The following RRN3 variants were observed in gnomAD, a reference collection of about 807,000 sequenced individuals.
RRN3 encodes RNA polymerase I-specific transcription initiation factor RRN3.
In RRN3, 38 loss-of-function variants were observed where a neutral mutation model predicts 82.3. The ratio of observed to expected loss-of-function variants is 0.46; its 90% CI spans 0.36 to 0.61. The LOEUF (loss-of-function observed/expected upper bound fraction) is 0.61. Ranked by LOEUF, RRN3 falls within the 20% of genes least tolerant of loss-of-function variation. RRN3 has a pLI of 0.00. For synonymous variants in RRN3, 284 were observed against 284.3 expected, an observed-to-expected ratio of 1.00 and a Z score of 0.01; for missense variants, 726 against 793.1, an observed-to-expected ratio of 0.92 and a Z score of 1.02.
chr16:15,085,304 G>A (rs139253197), intron 6 of RRN3, among the ~76,000 whole-genome samples: 2 of 148,798 alleles, frequency 1.3e-5, no homozygotes, highest in East Asian at 4.0e-4. Flanking sequence ...ATTAGAATAG[G>A]TGCCAGGTAT....
chr16:15,063,133 C>T lies in RRN3; in HGVS notation c.1794+63G>A, dbSNP rs2044783850. 3 of 1,247,570 alleles carry T rather than the reference C, an allele frequency of 2.4e-6. No homozygotes were observed. The Admixed American group carries it at 5.0e-5, about 21-fold the overall frequency. The allele number at this position is 1,247,570 out of a possible 1,614,324, so 77.3% of individuals were successfully genotyped here. ...GCACGAACGACTTGCCACTTACTAT[C>T]TCACTGTGACCTGGAACCAGAAAGG... On this transcript the variant is annotated intron_variant, in intron 17 of 17. Transcript: ENST00000198767.
chr16:15,080,148 C>A, intron 8 of RRN3, 52 bp from the exon 9 acceptor site: 1 of 1,534,620 alleles, frequency 6.5e-7, no homozygotes. Context: ...AAACGTTTCA[C>A]AGTTATGTAA....
At chr16:15,075,799 G>A (rs1426516390) in intron 10 of RRN3, among the ~76,000 whole-genome samples, 1 of 152,112 alleles carries the variant, frequency 6.6e-6, no homozygotes, top group Non-Finnish European at 1.5e-5. Context: ...GGTGCTTTTG[G>A]TGCCGGGCCC....
intron 12 of RRN3, among the ~76,000 whole-genome samples, chr16:15,071,783 A>G (rs2045241747): frequency 6.6e-6 from 1 of 152,100 alleles, no homozygotes; most frequent in Non-Finnish European, 1.5e-5. Flanking sequence ...ACAAACAAAC[A>G]AAAAACAACA....
intron 8 of RRN3, among the ~76,000 whole-genome samples, chr16:15,082,673 C>G (rs370630570): frequency 4.0e-5 from 6 of 151,398 alleles, no homozygotes; most frequent in Non-Finnish European, 7.4e-5. Context: ...ACTGTCCCCC[C>G]ACCCCTGAAA....
intron 8 of RRN3, among the ~76,000 whole-genome samples, chr16:15,080,607 C>T (rs1157771971): frequency 6.6e-6 from 1 of 152,076 alleles, no homozygotes; most frequent in Non-Finnish European, 1.5e-5. Flanking sequence ...TTAATTTTTC[C>T]TTTTAGAGAG....
chr16:15,061,940 C>G, intron 17 of RRN3, 35 bp from the exon 18 acceptor site: 1 of 1,578,482 alleles, frequency 6.3e-7, no homozygotes. Context: ...GTAACATCAC[C>G]AGTGCTGACT....
chr16:15,075,284 GA>G (rs1011520847), intron 10 of RRN3, among the ~76,000 whole-genome samples: 2 of 145,254 alleles, frequency 1.4e-5, no homozygotes, highest in Non-Finnish European at 3.0e-5. Flanking sequence ...CTAAAACAAA[GA>G]AATGGACCAC....
At chr16:15,081,123 C>A (rs1010160183) in intron 8 of RRN3, among the ~76,000 whole-genome samples, 2 of 152,300 alleles carry the variant, frequency 1.3e-5, no homozygotes, top group East Asian at 3.9e-4. Context: ...CATCAGTTGA[C>A]AGACATTTGA....
At position 15,082,932 on chromosome 16, in the gene RRN3, T is replaced by C. The variant is rs1400837013; in HGVS notation, c.666+581A>G. On this transcript the variant is annotated intron_variant, in intron 8 of 17. Coordinates refer to ENST00000198767, the MANE Select transcript of RRN3 (RefSeq NM_018427.5). Reference sequence around the variant, plus strand: ...AACTATTATCTTCTAGTAATTCTTGTCCATATGAGCATAAAGCCACTACAG... The same window carrying C: ...AACTATTATCTTCTAGTAATTCTTGCCCATATGAGCATAAAGCCACTACAG... Among the ~76,000 whole-genome samples, 4 of 152,322 alleles carry C rather than the reference T, an allele frequency of 2.6e-5. No homozygotes were observed. In the East Asian group the frequency reaches 7.7e-4, roughly 29 times the overall value.
chr16:15,094,079 C>T lies in RRN3; in HGVS notation c.89+66G>A, dbSNP rs115779043. On this transcript the variant is annotated intron_variant, in intron 1 of 17. Coordinates refer to ENST00000198767, the MANE Select transcript of RRN3 (RefSeq NM_018427.5). Reference sequence around the variant, plus strand: ...AGCTTTGTCCCACATCCTTTCAATCCGCTCCTCTAAGCGCCGTCCTGAGCT... The same window carrying T: ...AGCTTTGTCCCACATCCTTTCAATCTGCTCCTCTAAGCGCCGTCCTGAGCT... 1.6e-3 allele frequency: 2,236 copies of T among 1,400,310 alleles called. 44 individuals are homozygous for T. The African/African-American group carries it at 0.028, about 17-fold the overall frequency. 86.7% of individuals were successfully genotyped at this position (1,400,310 alleles called of 1,614,324 possible). A position where few individuals can be genotyped will look rare whatever the true frequency, so the allele number is the denominator to read the frequency against.
In RRN3 at chr16:15,094,193, G is replaced by A. The variant is rs1215831699; in HGVS notation, c.41C>T (p.Ala14Val). Residue 14 changes from alanine (A) to valine (V), a missense_variant, in exon 1 of 18, where the codon GCG (alanine) becomes GTG (valine). Physicochemically the swap from Ala to Val is moderately conservative, Grantham distance 64. Transcript: ENST00000198767. Reference sequence around the variant, plus strand: ...CTTAACTGCAGAGGACGAAGCGGCCGCATCTCCCGGCAAACGCGTGTGAAG... The same window carrying A: ...CTTAACTGCAGAGGACGAAGCGGCCACATCTCCCGGCAAACGCGTGTGAAG... Reference protein sequence around the residue: ...PLLHTRLPGDAAASSSAVKKL... With the variant: ...PLLHTRLPGDVAASSSAVKKL... The A allele has an allele frequency of 2.5e-6, 4 of 1,599,808 alleles. No homozygotes were observed. The highest frequency in any genetic ancestry group is 1.7e-5 in the Admixed American group (1 of 57,782).
chr16:15,081,660 C>T (rs976901257), intron 8 of RRN3, among the ~76,000 whole-genome samples: 5 of 152,144 alleles, frequency 3.3e-5, no homozygotes, highest in African/African-American at 1.2e-4. Context: ...TCCTATGAAG[C>T]ATAACAACGT....
At chr16:15,072,612 G>C (rs952000708) in intron 12 of RRN3, among the ~76,000 whole-genome samples, 2 of 152,064 alleles carry the variant, frequency 1.3e-5, no homozygotes, top group African/African-American at 4.8e-5. Flanking sequence ...AGACCAGTAT[G>C]GCCAACGTGG....
intron 11 of RRN3, among the ~76,000 whole-genome samples, chr16:15,073,524 A>T (rs1032148567): frequency 2.0e-5 from 3 of 152,228 alleles, no homozygotes; most frequent in Admixed American, 2.0e-4. Context: ...CTTTTAGTTT[A>T]CACAGATTTT....
chr16:15,061,691 T>C lies in RRN3; in HGVS notation c.*53A>G. On this transcript the variant is annotated 3_prime_UTR_variant, in exon 18 of 18. Transcript: ENST00000198767. The stretch of plus-strand genomic sequence containing the variant: ...TGGCACAAGCTGGGTGCTGAGGGCA[T>C]GACAAGTGATGGGGAATCCCAAATG... 1.9e-6 allele frequency: 3 copies of C among 1,560,618 alleles called. No individual in the cohort carries two copies. The highest frequency in any genetic ancestry group is 3.4e-5 in the Admixed American group (2 of 59,138).
chr16:15,091,911 G>A (rs1196769179), intron 2 of RRN3, among the ~76,000 whole-genome samples: 4 of 152,184 alleles, frequency 2.6e-5, no homozygotes, highest in Non-Finnish European at 4.4e-5. Flanking sequence ...AGGCATGGTG[G>A]CTCACGTCTG....
Position 15,061,173 on chromosome 16 carries a change from T to C in RRN3, c.*571A>G, listed in dbSNP as rs2044696911. 6.6e-6 allele frequency: 1 copy of C among 152,316 alleles called. No homozygotes were observed. Among genetic ancestry groups the C allele is most frequent in the Admixed American group, 6.5e-5 (1 of 15,278 alleles). The allele number at this position is 152,316 out of a possible 1,614,324, so 9.4% of individuals were successfully genotyped here. A position where few individuals can be genotyped will look rare whatever the true frequency, so the allele number is the denominator to read the frequency against. On this transcript the variant is annotated 3_prime_UTR_variant, in exon 18 of 18. Coordinates refer to ENST00000198767, the MANE Select transcript of RRN3 (RefSeq NM_018427.5). ...AGCTCCAACTCTGTGTCCCAGACCATGTCGGGCCAGCTCTCAGCTTTCCTT... is the reference window on the plus strand; with the variant it reads ...AGCTCCAACTCTGTGTCCCAGACCACGTCGGGCCAGCTCTCAGCTTTCCTT...
Position 15,092,584 on chromosome 16 carries a change from G to C in RRN3, c.120C>G (p.Asp40Glu). 6.2e-7 allele frequency: 1 copy of C among 1,613,048 alleles called. No individual in the cohort carries two copies. Among genetic ancestry groups the C allele is most frequent in the Non-Finnish European group, 8.5e-7 (1 of 1,179,100 alleles). Reference sequence around the variant, plus strand: ...TTTTTCTTGGGGGAGAATTGAAAAAGTCATTCTCTAATGCACGCATATTTG... The same window carrying C: ...TTTTTCTTGGGGGAGAATTGAAAAACTCATTCTCTAATGCACGCATATTTG... ...GISNMRALEN[D>E]FFNSPPRKTV... The change falls in exon 2 of 18, where the codon GAC (aspartate) becomes GAG (glutamate). Residue 40 changes from aspartate (D) to glutamate (E), a missense_variant. By Grantham distance (45) the Asp-to-Glu change is conservative. Around this residue, in one of 4 missense-constraint regions of RRN3, gnomAD observed 135 missense variants for 87.4 expected, o/e 1.55. Transcript: ENST00000198767.
Sources: gnomAD v4.1 joint callset for allele counts (sites outside exome capture counted in the v4.1 genomes callset) on GRCh38, gnomAD v4.1.1 for gene constraint, gnomAD v4.1.1 regional missense constraint, MANE v1.5 for transcripts, NCBI Gene and HGNC (gene_info 2026-07-23, HGNC 2026-07-21) for gene names.